TRAPPC9: variants seen among roughly 807,000 people sequenced by gnomAD.
TRAPPC9 encodes the protein trafficking protein particle complex subunit 9.
In TRAPPC9, 83 loss-of-function variants were observed where a neutral mutation model predicts 124.0. The ratio of observed to expected loss-of-function variants is 0.67; its 90% confidence interval spans 0.56 to 0.80. TRAPPC9 has a LOEUF of 0.80. Ranked by LOEUF, TRAPPC9 falls within the 30% of genes least tolerant of loss-of-function variation. The pLI, the probability that TRAPPC9 is intolerant of heterozygous loss-of-function variation, is 0.00. For missense variants in TRAPPC9, 1,302 were observed against 1,508.3 expected (o/e 0.86, Z 2.27); for synonymous variants, 638 against 617.5 (o/e 1.03, Z -0.49).
chr8:140,169,202 AAT>A (rs1406362600), intron 17 of TRAPPC9, among the ~76,000 whole-genome samples: 1 of 152,240 alleles, frequency 6.6e-6, no homozygotes, highest in Non-Finnish European at 1.5e-5. Flanking sequence ...TGAAATAAAA[AAT>A]AGTTATTGAG....
chr8:140,429,890 T>C (rs2070572687), intron 4 of TRAPPC9, among the ~76,000 whole-genome samples: 1 of 152,056 alleles, frequency 6.6e-6, no homozygotes, highest in Non-Finnish European at 1.5e-5. Flanking sequence ...CTCACGCCTG[T>C]AATTCCAGCA....
chr8:139,898,518 T>C (rs1830808981), intron 20 of TRAPPC9, among the ~76,000 whole-genome samples: 1 of 152,132 alleles, frequency 6.6e-6, no homozygotes, highest in East Asian at 1.9e-4. Context: ...CACACAAGCT[T>C]GTGTCCGGGA....
At chr8:139,754,479 T>C (rs957212406) in intron 21 of TRAPPC9, among the ~76,000 whole-genome samples, 1 of 152,142 alleles carries the variant, frequency 6.6e-6, no homozygotes, top group Non-Finnish European at 1.5e-5. Flanking sequence ...ACTGCCTCCA[T>C]TCAGGGGTGC....
At chr8:140,057,142 A>G (rs190126202) in intron 17 of TRAPPC9, among the ~76,000 whole-genome samples, 1 of 152,354 alleles carries the variant, frequency 6.6e-6, no homozygotes, top group East Asian at 1.9e-4. Flanking sequence ...ATGACGATAC[A>G]TTACCTCACA....
chr8:140,054,002 C>G (rs1046709329), intron 17 of TRAPPC9, among the ~76,000 whole-genome samples: 3 of 152,190 alleles, frequency 2.0e-5, no homozygotes, highest in African/African-American at 7.2e-5. Context: ...TAGCAAAGAA[C>G]AAAATCATGC....
At chr8:139,898,469 C>T (rs1176216421) in intron 20 of TRAPPC9, among the ~76,000 whole-genome samples, 1 of 152,162 alleles carries the variant, frequency 6.6e-6, no homozygotes. Context: ...TTTCAGTGAC[C>T]ACCTATGCAA....
intron 21 of TRAPPC9, among the ~76,000 whole-genome samples, chr8:139,772,596 G>A (rs906994064): frequency 2.6e-5 from 4 of 152,194 alleles, no homozygotes; most frequent in African/African-American, 4.8e-5. Context: ...AATTCCCAGG[G>A]CCACAGCTGA....
Position 139,957,950 on chromosome 8 carries a change from C to T in TRAPPC9, c.2810+30776G>A, listed in dbSNP as rs185684270. On this transcript the variant is annotated intron_variant, in intron 19 of 22. Transcript: ENST00000438773. ...GAGGTTTCTGCCAACCTTCCAGCTCCACCCACAGCCCCTGAGGAGAGGCTC... is the reference window on the plus strand; with the variant it reads ...GAGGTTTCTGCCAACCTTCCAGCTCTACCCACAGCCCCTGAGGAGAGGCTC... Among the ~76,000 whole-genome samples the T allele has an allele frequency of 4.5e-4, 68 of 152,362 alleles. No individual in the cohort carries two copies. The East Asian group carries it at 9.8e-3, about 22-fold the overall frequency.
intron 21 of TRAPPC9, among the ~76,000 whole-genome samples, chr8:139,882,373 T>C (rs1307256115): frequency 6.6e-6 from 1 of 152,134 alleles, no homozygotes; most frequent in Non-Finnish European, 1.5e-5. Context: ...CCAGGACCCC[T>C]GGCTCCACCA....
At chr8:140,221,617 G>A (rs370433141) in intron 16 of TRAPPC9, 34 bp from the exon 17 acceptor site, 70 of 1,600,320 alleles carry the variant, frequency 4.4e-5, no homozygotes, top group Middle Eastern at 3.3e-4. Flanking sequence ...TAAGTAACAC[G>A]TCAGCTTGGT....
At chr8:140,205,264 A>C (rs1450387376) in intron 17 of TRAPPC9, among the ~76,000 whole-genome samples, 1 of 152,258 alleles carries the variant, frequency 6.6e-6, no homozygotes, top group African/African-American at 2.4e-5. Flanking sequence ...TCATTTGACA[A>C]AGCAAAAGTT....
chr8:139,971,764 CATATATATAT>C (rs1193853233), intron 19 of TRAPPC9, among the ~76,000 whole-genome samples: 1 of 81,098 alleles, frequency 1.2e-5, no homozygotes, highest in Non-Finnish European at 2.9e-5. Context: ...CACACACACA[CATATATATAT>C]ACACACACAT....
intron 19 of TRAPPC9, among the ~76,000 whole-genome samples, chr8:139,929,474 G>A (rs936910743): frequency 1.6e-4 from 24 of 152,038 alleles, no homozygotes; most frequent in Admixed American, 4.6e-4. Flanking sequence ...GGTGGCTCAC[G>A]CCTGTAATCC....
chr8:139,881,179 GGA>G (rs1370363665), intron 21 of TRAPPC9: 2 of 152,180 alleles, frequency 1.3e-5, no homozygotes, highest in African/African-American at 2.4e-5. Flanking sequence ...GCCTCTGGCT[GGA>G]GAGACTGTCC....
chr8:140,111,798 G>C (rs1327956398), intron 17 of TRAPPC9, among the ~76,000 whole-genome samples: 5 of 152,280 alleles, frequency 3.3e-5, no homozygotes, highest in Admixed American at 3.3e-4. Context: ...AAAGTGATCG[G>C]TGTGATAGAT....
At chr8:140,421,984 CAA>C (rs35152459) in intron 5 of TRAPPC9, among the ~76,000 whole-genome samples, 2 of 43,982 alleles carry the variant, frequency 4.5e-5, no homozygotes, top group African/African-American at 9.3e-5. Flanking sequence ...TCCCTCATGA[CAA>C]AAAAAAAAAA....
chr8:140,414,152 G>GAAACCC (rs1292466764), intron 5 of TRAPPC9, among the ~76,000 whole-genome samples: 12 of 152,122 alleles, frequency 7.9e-5, no homozygotes, highest in Non-Finnish European at 1.5e-4. Context: ...GAAGAAATAT[G>GAAACCC]AAGAAGTTGT....
chr8:140,416,251 A>G (rs912667797), intron 5 of TRAPPC9, among the ~76,000 whole-genome samples: 1 of 152,356 alleles, frequency 6.6e-6, no homozygotes, highest in East Asian at 1.9e-4. Context: ...CAATATTATG[A>G]ACAATTATAC....
At chr8:140,150,890 G>T (rs1420312640) in intron 17 of TRAPPC9, among the ~76,000 whole-genome samples, 1 of 152,188 alleles carries the variant, frequency 6.6e-6, no homozygotes, top group Non-Finnish European at 1.5e-5. Flanking sequence ...GACAAAAGAA[G>T]TATGTTTGTT....
Sources: allele counts gnomAD v4.1 joint callset (sites outside exome capture counted in the v4.1 genomes callset), GRCh38; gene constraint gnomAD v4.1.1; transcripts MANE v1.5; gene names NCBI Gene and HGNC (gene_info 2026-07-23, HGNC 2026-07-21).